The following SLC24A3 variants were observed in gnomAD, a reference collection of about 807,000 sequenced individuals.
SLC24A3 encodes solute carrier family 24 member 3.
Under a neutral mutation model 75.8 loss-of-function variants are expected in SLC24A3, and 28 were observed. The ratio of observed to expected loss-of-function variants is 0.37; its 90% CI spans 0.27 to 0.51. The LOEUF (loss-of-function observed/expected upper bound fraction) is 0.51, where lower values mean the gene tolerates loss of function less well. Among genes scored for constraint, SLC24A3 ranks in the 20% least tolerant of loss-of-function variants. SLC24A3 has a pLI of 0.94. For missense variants in SLC24A3, 663 were observed against 847.8 expected (o/e 0.78, Z 2.71); for synonymous variants, 372 against 334.1 (o/e 1.11, Z -1.24).
At chr20:19,404,699 T>A (rs1986611255) in intron 2 of SLC24A3, among the ~76,000 whole-genome samples, 1 of 152,156 alleles carries the variant, frequency 6.6e-6, no homozygotes, top group South Asian at 2.1e-4. Flanking sequence ...TGTGGGGAAG[T>A]CATGTGTGGT....
intron 2 of SLC24A3, among the ~76,000 whole-genome samples, chr20:19,351,129 G>T (rs1297215941): frequency 1.3e-5 from 2 of 152,182 alleles, no homozygotes; most frequent in African/African-American, 2.4e-5. Context: ...TCTTGGGAGG[G>T]TGATAGAGAG....
chr20:19,274,700 C>A (rs1983432103), intron 1 of SLC24A3, among the ~76,000 whole-genome samples: 1 of 152,186 alleles, frequency 6.6e-6, no homozygotes, highest in Admixed American at 6.5e-5. Context: ...GGTGAGGACA[C>A]CAGGCTCATC....
intron 2 of SLC24A3, among the ~76,000 whole-genome samples, chr20:19,506,777 G>A (rs1436870383): frequency 6.6e-6 from 1 of 152,152 alleles, no homozygotes; most frequent in Non-Finnish European, 1.5e-5. Flanking sequence ...TAAGGGCTGT[G>A]TACCTTTAAC....
At chr20:19,262,602 A>G (rs771247566) in intron 1 of SLC24A3, among the ~76,000 whole-genome samples, 55 of 152,102 alleles carry the variant, frequency 3.6e-4, no homozygotes, top group Non-Finnish European at 6.9e-4. Flanking sequence ...CAATTGTGCT[A>G]CAATGATGAT....
chr20:19,375,463 G>A (rs540881179), intron 2 of SLC24A3, among the ~76,000 whole-genome samples: 10 of 152,276 alleles, frequency 6.6e-5, no homozygotes, highest in South Asian at 2.1e-4. Context: ...AAATGGAGGC[G>A]GGGCAGGCAG....
intron 2 of SLC24A3, among the ~76,000 whole-genome samples, chr20:19,293,926 C>G (rs1984001014): frequency 1.3e-5 from 2 of 152,098 alleles, no homozygotes; most frequent in South Asian, 4.1e-4. Context: ...AGGACACCCC[C>G]CCACCTCAGA....
At chr20:19,372,290 C>G (rs1405717461) in intron 2 of SLC24A3, among the ~76,000 whole-genome samples, 1 of 152,086 alleles carries the variant, frequency 6.6e-6, no homozygotes, top group Non-Finnish European at 1.5e-5. Context: ...TGAGGGAAGG[C>G]AGGAATGAAT....
At chr20:19,280,009 T>TAA (rs1983611935) in intron 1 of SLC24A3, among the ~76,000 whole-genome samples, 2 of 152,324 alleles carry the variant, frequency 1.3e-5, no homozygotes, top group African/African-American at 2.4e-5. Context: ...GAGAAATGCT[T>TAA]TGTGGTACTG....
chr20:19,571,487 G>A (rs912863167), intron 3 of SLC24A3, among the ~76,000 whole-genome samples: 7 of 152,104 alleles, frequency 4.6e-5, no homozygotes, highest in African/African-American at 7.2e-5. Context: ...GAGAACAAAG[G>A]GGGGAAAGTA....
chr20:19,402,607 A>G (rs539030028), intron 2 of SLC24A3, among the ~76,000 whole-genome samples: 58 of 152,344 alleles, frequency 3.8e-4, no homozygotes, highest in African/African-American at 1.3e-3. Flanking sequence ...CAAACAGAAC[A>G]TTTAAAATCT....
intron 12 of SLC24A3, among the ~76,000 whole-genome samples, chr20:19,687,776 T>C (rs1189267517): frequency 6.6e-6 from 1 of 152,148 alleles, no homozygotes; most frequent in Non-Finnish European, 1.5e-5. Flanking sequence ...GTTCCGTATT[T>C]CTCTCCTGGA....
intron 2 of SLC24A3, among the ~76,000 whole-genome samples, chr20:19,511,364 G>A (rs900129322): frequency 3.4e-5 from 5 of 145,372 alleles, no homozygotes; most frequent in Non-Finnish European, 6.0e-5. Flanking sequence ...GTCTCGCTCT[G>A]TCACCCAGGC....
chr20:19,313,054 T>TTTTTTTTTG (rs1984498969), intron 2 of SLC24A3, among the ~76,000 whole-genome samples: 2 of 116,644 alleles, frequency 1.7e-5, no homozygotes, highest in Non-Finnish European at 3.3e-5. Flanking sequence ...TTTTTTTTTT[T>TTTTTTTTTG]GACATGGAGT....
intron 3 of SLC24A3, among the ~76,000 whole-genome samples, chr20:19,559,796 T>C (rs954793863): frequency 1.3e-5 from 2 of 152,128 alleles, no homozygotes; most frequent in Non-Finnish European, 2.9e-5. Flanking sequence ...ATACGTTGGC[T>C]TCTGTGAGCA....
chr20:19,404,454 C>T (rs917043560), intron 2 of SLC24A3, among the ~76,000 whole-genome samples: 1 of 152,184 alleles, frequency 6.6e-6, no homozygotes, highest in Non-Finnish European at 1.5e-5. Context: ...GCAGTCAGTA[C>T]TTTGTAAGTA....
intron 2 of SLC24A3, among the ~76,000 whole-genome samples, chr20:19,357,799 C>A (rs1225883757): frequency 1.3e-5 from 2 of 152,208 alleles, no homozygotes; most frequent in African/African-American, 4.8e-5. Context: ...GCTGCCTTGC[C>A]CTTCAGATAA....
At chr20:19,513,082 C>T (rs967008698) in intron 2 of SLC24A3, among the ~76,000 whole-genome samples, 3 of 152,180 alleles carry the variant, frequency 2.0e-5, no homozygotes, top group Non-Finnish European at 4.4e-5. Flanking sequence ...GCCAAAACAC[C>T]CTGTGGCAGC....
At chr20:19,229,733 G>A (rs1330332263) in intron 1 of SLC24A3, among the ~76,000 whole-genome samples, 1 of 152,020 alleles carries the variant, frequency 6.6e-6, no homozygotes, top group East Asian at 1.9e-4. Flanking sequence ...AACATGAACT[G>A]TTTGTAATTT....
rs571333395 is a variant in SLC24A3, at chr20:19,364,378, A to G, written c.271+83291A>G. Among the ~76,000 whole-genome samples, 3 of 152,068 alleles carry G rather than the reference A, an allele frequency of 2.0e-5. No individual in the cohort carries two copies. The South Asian group carries it at 6.2e-4, about 32-fold the overall frequency. ...TCTCCGTTGATCTCAGGGCAACCTTATTTTTGCCCTGAGACCAACAGATTC... is the reference window on the plus strand; with the variant it reads ...TCTCCGTTGATCTCAGGGCAACCTTGTTTTTGCCCTGAGACCAACAGATTC... On this transcript the variant is annotated intron_variant, in intron 2 of 16. Transcript: ENST00000328041.
Sources: gnomAD v4.1 joint callset for allele counts (sites outside exome capture counted in the v4.1 genomes callset) on GRCh38, gnomAD v4.1.1 for gene constraint, MANE v1.5 for transcripts, NCBI Gene and HGNC (gene_info 2026-07-23, HGNC 2026-07-21) for gene names.